SRL: variants seen among roughly 807,000 people sequenced by gnomAD.
SRL encodes the protein sarcalumenin.
In SRL, 23 loss-of-function variants were observed where a neutral mutation model predicts 39.5. The observed-to-expected ratio is 0.58, with a 90% CI of 0.42 to 0.82. The LOEUF (loss-of-function observed/expected upper bound fraction) is 0.82, where lower values mean the gene tolerates loss of function less well. SRL is among the 40% of genes least tolerant of loss of function. SRL has a pLI of 0.00. For synonymous variants in SRL, 272 were observed against 237.4 expected (o/e 1.15, Z -1.34); for missense variants, 592 against 607.8 (o/e 0.97, Z 0.27).
chr16:4,210,457 T>G (rs2052378272), intron 1 of SRL, among the ~76,000 whole-genome samples: 1 of 151,552 alleles, frequency 6.6e-6, no homozygotes, highest in South Asian at 2.1e-4. Flanking sequence ...TAATCTTACT[T>G]GTTTTGGTAA....
chr16:4,211,845 T>C (rs559077136), intron 1 of SRL, among the ~76,000 whole-genome samples: 10 of 152,174 alleles, frequency 6.6e-5, no homozygotes, highest in African/African-American at 2.4e-4. Flanking sequence ...ATGATGATGG[T>C]GATGACGACG....
rs930395957 is a variant in SRL, at chr16:4,224,503, C to T, written c.61+17504G>A. On this transcript the variant is annotated intron_variant, in intron 1 of 5. Coordinates refer to ENST00000399609, the MANE Select transcript of SRL (RefSeq NM_001098814.2). ...GGAGGATTGCTTGAGCTCAGCAGTT[C>T]GAGACCAACCTGGGCAACAGGGTGA... 3.3e-5 allele frequency among the ~76,000 whole-genome samples: 5 copies of T among 151,910 alleles called. No individual in the cohort carries two copies. In the East Asian group the frequency reaches 7.7e-4, roughly 24 times the overall value.
chr16:4,212,507 A>C (rs1000525053), intron 1 of SRL, among the ~76,000 whole-genome samples: 1 of 152,074 alleles, frequency 6.6e-6, no homozygotes, highest in Non-Finnish European at 1.5e-5. Context: ...GAAGCACCCT[A>C]TTGGCCCTGG....
In SRL at chr16:4,199,364, C is replaced by CTTTT. The variant is rs71139622; in HGVS notation, c.260-1453_260-1450dup. On this transcript the variant is annotated intron_variant, in intron 3 of 5. Transcript: ENST00000399609. ...TATTTGTAGCTAACATATTCCCCATCTTTTTTTTTTTTTTTTTTTTTTTTT... is the reference window on the plus strand; with the variant it reads ...TATTTGTAGCTAACATATTCCCCATCTTTTTTTTTTTTTTTTTTTTTTTTTTTTT... Among the ~76,000 whole-genome samples the CTTTT allele has an allele frequency of 4.7e-3, 401 of 84,644 alleles. 1 individual carries two copies. The highest frequency in any genetic ancestry group is 6.5e-3 in the Non-Finnish European group (286 of 44,276). The allele number at this position is 84,644 out of a possible 152,430, so 55.5% of individuals were successfully genotyped here.
rs112458031 is a variant in SRL, at chr16:4,215,598, C to T, written c.62-10964G>A. 6.9e-3 allele frequency among the ~76,000 whole-genome samples: 1,045 copies of T among 152,254 alleles called. 5 individuals carry two copies. The highest frequency in any genetic ancestry group is 0.01 in the Middle Eastern group (3 of 294). ...CTTCTAGAACTCAGCTCTCTATGGA[C>T]GCTCTCCCAGCAGTGGGCCAGCCAA... On this transcript the variant is annotated intron_variant, in intron 1 of 5. Coordinates refer to ENST00000399609, the MANE Select transcript of SRL (RefSeq NM_001098814.2).
intron 4 of SRL, among the ~76,000 whole-genome samples, chr16:4,197,025 A>T (rs1315869206): frequency 2.9e-5 from 4 of 136,836 alleles, no homozygotes; most frequent in Non-Finnish European, 4.7e-5. Context: ...ATTGGTGCAG[A>T]TGTCTTTTTT....
intron 1 of SRL, chr16:4,207,019 C>G (rs2141036805): frequency 2.2e-6 from 1 of 453,964 alleles, no homozygotes. Context: ...TCCTGGGGAT[C>G]CCCGCCTTCC....
intron 1 of SRL, among the ~76,000 whole-genome samples, chr16:4,224,179 G>C (rs1422367988): frequency 6.6e-6 from 1 of 152,070 alleles, no homozygotes; most frequent in East Asian, 1.9e-4. Flanking sequence ...TCAGTGTTAG[G>C]AGCCCAAGTG....
rs770836882 is a variant in SRL, at chr16:4,192,471, A to G, written c.1104T>C (p.Phe368=). 1.2e-6 allele frequency: 2 copies of G among 1,614,194 alleles called. No individual in the cohort carries two copies. The highest frequency in any genetic ancestry group is 1.7e-5 in the Admixed American group (1 of 60,008). The change falls in exon 6 of 6, where the codon TTT becomes TTC. Residue 368 remains phenylalanine, a synonymous_variant. Transcript: ENST00000399609. The surrounding 1 kb of genome is among the most constrained non-coding windows in gnomAD (Gnocchi z 4.0). ...TATCGGGATCTTCCACAATGTCCTT[A>G]AAGACCAGTTCTCCATCACTGAAGA... ...MTFFSDGELV[F]KDIVEDPDKF...
chr16:4,223,130 G>A (rs1201676882), intron 1 of SRL, among the ~76,000 whole-genome samples: 1 of 151,594 alleles, frequency 6.6e-6, no homozygotes, highest in African/African-American at 2.4e-5. Context: ...TACTCGGGAG[G>A]CTGAGGCAGG....
intron 1 of SRL, among the ~76,000 whole-genome samples, chr16:4,210,748 G>T (rs2052383354): frequency 6.6e-6 from 1 of 152,082 alleles, no homozygotes; most frequent in Admixed American, 6.5e-5. Context: ...CTCTCAAAGT[G>T]CTGGGATTAC....
At chr16:4,204,511 C>A (rs751448216) in intron 2 of SRL, 22 bp downstream of exon 2, 3 of 1,550,526 alleles carry the variant, frequency 1.9e-6, no homozygotes, top group Non-Finnish European at 2.6e-6. Flanking sequence ...CAGCCCTGGG[C>A]ATATCTCCCT....
chr16:4,203,272 A>T lies in SRL; in HGVS notation c.164-11T>A, dbSNP rs974841094. On this transcript the variant is annotated splice_polypyrimidine_tract_variant and intron_variant, in intron 2 of 5. Transcript: ENST00000399609. ...GCCGCTGCAGCACCGCTGGAGACAG[A>T]GAGGGCCGGGGGAAGAGCATCACGC... 1.2e-6 allele frequency: 2 copies of T among 1,612,846 alleles called. No individual in the cohort carries two copies.
In SRL at chr16:4,190,726, C is replaced by T; in HGVS notation, c.*1427G>A. On this transcript the variant is annotated 3_prime_UTR_variant, in exon 6 of 6. Transcript: ENST00000399609. ...GTTCAGTGGACATCTGCATCAAGGT[C>T]AGGCGGGAAGGTCAATGTTAAGCCT... The T allele has an allele frequency of 2.8e-6, 1 of 361,588 alleles. No individual in the cohort carries two copies. Among genetic ancestry groups the T allele is most frequent in the Non-Finnish European group, 4.9e-6 (1 of 202,462 alleles). 22.4% of individuals were successfully genotyped at this position (361,588 alleles called of 1,614,324 possible).
At chr16:4,227,056 A>G (rs12925136) in intron 1 of SRL, among the ~76,000 whole-genome samples, 12 of 149,162 alleles carry the variant, frequency 8.0e-5, no homozygotes, top group Non-Finnish European at 1.5e-4. Flanking sequence ...GGATGAATGG[A>G]TGGATGGATG....
intron 1 of SRL, among the ~76,000 whole-genome samples, 199 bp from the exon 2 acceptor site, chr16:4,204,833 T>C (rs1372584698): frequency 6.6e-6 from 1 of 152,228 alleles, no homozygotes; most frequent in Admixed American, 6.5e-5. Flanking sequence ...TGTATTCGCA[T>C]TCGGGGAGCT....
At chr16:4,225,503 G>A (rs763255201) in intron 1 of SRL, among the ~76,000 whole-genome samples, 32 of 152,172 alleles carry the variant, frequency 2.1e-4, no homozygotes, top group Non-Finnish European at 3.4e-4. Flanking sequence ...AGGATCGCCT[G>A]AGCCCGGGAG....
At chr16:4,207,867 G>C (rs1219899994) in intron 1 of SRL, 1 of 456,586 alleles carries the variant, frequency 2.2e-6, no homozygotes. Context: ...TGTGGCTGAG[G>C]CATTGGAGAG....
chr16:4,202,690 T>C (rs1041261994), intron 3 of SRL, among the ~76,000 whole-genome samples: 1 of 152,192 alleles, frequency 6.6e-6, no homozygotes, highest in African/African-American at 2.4e-5. Context: ...GTCTTATTTT[T>C]ATTATTTTGA....
Sources: gnomAD v4.1 joint callset for allele counts (sites outside exome capture counted in the v4.1 genomes callset) on GRCh38, gnomAD v4.1.1 for gene constraint, Gnocchi (gnomAD v3.1) non-coding constraint, MANE v1.5 for transcripts, NCBI Gene and HGNC (gene_info 2026-07-23, HGNC 2026-07-21) for gene names.